Variants in CSMD1 observed in about 807,000 individuals in gnomAD.
CSMD1 encodes CUB and sushi domain-containing protein 1.
CSMD1 carries 213 observed loss-of-function variants against 417.5 expected under a neutral mutation model. That is an observed-to-expected ratio of 0.51 (90% CI 0.46 to 0.57). The LOEUF (loss-of-function observed/expected upper bound fraction) is 0.57. Among genes scored for constraint, CSMD1 ranks in the 20% least tolerant of loss-of-function variants. The pLI, the probability that CSMD1 is intolerant of heterozygous loss-of-function variation, is 0.00. For missense variants in CSMD1, 6,923 were observed against 4,529.7 expected, an observed-to-expected ratio of 1.53 and a Z score of -15.17; for synonymous variants, 2,862 against 1,736.8, an observed-to-expected ratio of 1.65 and a Z score of -16.11.
chr8:4,936,001 G>T (rs373177260), intron 1 of CSMD1, among the ~76,000 whole-genome samples: 2 of 152,170 alleles, frequency 1.3e-5, no homozygotes, highest in East Asian at 3.9e-4. Context: ...AAACAGCCAG[G>T]AATAATAGGA....
At chr8:3,747,383 ACT>A (rs1491107238) in intron 6 of CSMD1, among the ~76,000 whole-genome samples, 3 of 117,512 alleles carry the variant, frequency 2.6e-5, no homozygotes, top group African/African-American at 1.0e-4. Flanking sequence ...CTTTGAAAAC[ACT>A]TTTTTCACAG....
intron 3 of CSMD1, among the ~76,000 whole-genome samples, chr8:4,220,759 G>A (rs76801781): frequency 0.023 from 3,538 of 152,290 alleles, 131 homozygotes; most frequent in African/African-American, 0.081. Context: ...AAACAGGGTG[G>A]AGAATATGGG....
At chr8:3,982,281 A>G (rs1246366276) in intron 5 of CSMD1, among the ~76,000 whole-genome samples, 1 of 151,542 alleles carries the variant, frequency 6.6e-6, no homozygotes, top group Non-Finnish European at 1.5e-5. Flanking sequence ...ATCCTGGTCT[A>G]CATTCCTGAG....
At chr8:3,562,158 A>T (rs1799493939) in intron 10 of CSMD1, among the ~76,000 whole-genome samples, 1 of 152,204 alleles carries the variant, frequency 6.6e-6, no homozygotes, top group Non-Finnish European at 1.5e-5. Flanking sequence ...ATCCACTGTA[A>T]ATAATACAGT....
At chr8:3,798,647 C>G (rs1800294034) in intron 5 of CSMD1, among the ~76,000 whole-genome samples, 1 of 152,036 alleles carries the variant, frequency 6.6e-6, no homozygotes. Flanking sequence ...ATAAAAAATA[C>G]ATACATTTAT....
At chr8:4,218,892 T>C (rs576502688) in intron 3 of CSMD1, among the ~76,000 whole-genome samples, 9 of 152,324 alleles carry the variant, frequency 5.9e-5, no homozygotes, top group African/African-American at 1.9e-4. Flanking sequence ...AAAAATCAAA[T>C]ATATGATCTT....
At chr8:3,818,832 T>A (rs1220099495) in intron 5 of CSMD1, among the ~76,000 whole-genome samples, 1 of 152,152 alleles carries the variant, frequency 6.6e-6, no homozygotes, top group Non-Finnish European at 1.5e-5. Context: ...TTAACTACTG[T>A]GAATGACAAG....
At chr8:4,156,823 A>G (rs1431741968) in intron 3 of CSMD1, among the ~76,000 whole-genome samples, 1 of 152,096 alleles carries the variant, frequency 6.6e-6, no homozygotes, top group South Asian at 2.1e-4. Flanking sequence ...AGCAGCAAGT[A>G]CTATGAACAC....
intron 3 of CSMD1, among the ~76,000 whole-genome samples, chr8:4,403,415 T>G (rs563259953): frequency 5.1e-4 from 78 of 152,272 alleles, no homozygotes; most frequent in Non-Finnish European, 9.4e-4. Context: ...ACCACAGAAG[T>G]AAGAGTTTCA....
At chr8:3,985,601 C>A (rs1356068617) in intron 5 of CSMD1, among the ~76,000 whole-genome samples, 1 of 152,144 alleles carries the variant, frequency 6.6e-6, no homozygotes, top group Non-Finnish European at 1.5e-5. Context: ...GGGGCGCCAC[C>A]TTCTAGTACA....
At position 4,177,807 on chromosome 8, in the gene CSMD1, C is replaced by A. The variant is rs1023195618; in HGVS notation, c.416-145708G>T. On this transcript the variant is annotated intron_variant, in intron 3 of 69. Coordinates refer to ENST00000635120, the MANE Select transcript of CSMD1 (RefSeq NM_033225.6). ...TCAGAGAATACTACAAACACCTCTA[C>A]GCAAATAAACTAGAAAATCTATAAG... Among the ~76,000 whole-genome samples, 7 of 151,632 alleles carry A rather than the reference C, an allele frequency of 4.6e-5. No individual in the cohort carries two copies. In the East Asian group the frequency reaches 1.2e-3, roughly 25 times the overall value.
intron 1 of CSMD1, among the ~76,000 whole-genome samples, chr8:4,678,811 G>A (rs1009404981): frequency 6.6e-6 from 1 of 152,198 alleles, no homozygotes; most frequent in African/African-American, 2.4e-5. Context: ...CCTGTATGTA[G>A]CAAGGGTGTG....
intron 2 of CSMD1, among the ~76,000 whole-genome samples, chr8:4,468,374 A>G (rs1298465067): frequency 6.6e-6 from 1 of 152,228 alleles, no homozygotes; most frequent in East Asian, 1.9e-4. Flanking sequence ...CCATTAATAA[A>G]GAGGATAATA....
At chr8:3,700,127 G>A (rs1355865387) in intron 7 of CSMD1, among the ~76,000 whole-genome samples, 1 of 152,070 alleles carries the variant, frequency 6.6e-6, no homozygotes, top group Non-Finnish European at 1.5e-5. Flanking sequence ...AGTGGGGCGA[G>A]GGATAAAAGA....
chr8:3,414,944 C>T (rs967249813), intron 12 of CSMD1, among the ~76,000 whole-genome samples: 3 of 152,254 alleles, frequency 2.0e-5, no homozygotes, highest in South Asian at 2.1e-4. Context: ...AGACCTGTCA[C>T]TCTGCATTAT....
chr8:4,162,726 T>G (rs13260748), intron 3 of CSMD1, among the ~76,000 whole-genome samples: 1 of 151,824 alleles, frequency 6.6e-6, no homozygotes, highest in Non-Finnish European at 1.5e-5. Context: ...TTTGTTCCAA[T>G]CGATGAACTT....
intron 1 of CSMD1, among the ~76,000 whole-genome samples, chr8:4,933,033 T>A (rs1233684283): frequency 6.6e-6 from 1 of 152,202 alleles, no homozygotes; most frequent in Non-Finnish European, 1.5e-5. Flanking sequence ...GTTAAAAGAT[T>A]TTCTTTTTAA....
At chr8:3,389,634 T>C (rs555949801) in intron 17 of CSMD1, among the ~76,000 whole-genome samples, 1 of 43,606 alleles carries the variant, frequency 2.3e-5, no homozygotes, top group South Asian at 8.0e-4. Context: ...GATTATATAT[T>C]AATGGTTTTA....
intron 2 of CSMD1, among the ~76,000 whole-genome samples, chr8:4,458,612 C>G (rs1046813504): frequency 2.0e-5 from 3 of 152,078 alleles, no homozygotes; most frequent in Non-Finnish European, 2.9e-5. Context: ...AAATCATCAC[C>G]CACACCTCAG....
Sources: allele counts gnomAD v4.1 joint callset (sites outside exome capture counted in the v4.1 genomes callset), GRCh38; gene constraint gnomAD v4.1.1; transcripts MANE v1.5; gene names NCBI Gene and HGNC (gene_info 2026-07-23, HGNC 2026-07-21).